CCDC73: variants seen among roughly 807,000 people sequenced by gnomAD.
CCDC73 encodes coiled-coil domain-containing protein 73.
Under a neutral mutation model 116.5 loss-of-function variants are expected in CCDC73, and 95 were observed. The ratio of observed to expected loss-of-function variants is 0.82; its 90% CI spans 0.69 to 0.97. The LOEUF is 0.97. Ranked by LOEUF, CCDC73 falls within the 50% of genes least tolerant of loss-of-function variation. The pLI is 0.00. For missense variants in CCDC73, 1,066 were observed against 1,206.8 expected (o/e 0.88, Z 1.73); for synonymous variants, 398 against 401.3 (o/e 0.99, Z 0.10).
At chr11:32,609,775 A>G (rs1763528301) in intron 17 of CCDC73, among the ~76,000 whole-genome samples, 1 of 151,964 alleles carries the variant, frequency 6.6e-6, no homozygotes, top group African/African-American at 2.4e-5. Flanking sequence ...GTGGAAGGCA[A>G]AGGCAATTTT....
At chr11:32,719,613 T>C (rs1849973543) in intron 2 of CCDC73, among the ~76,000 whole-genome samples, 1 of 152,122 alleles carries the variant, frequency 6.6e-6, no homozygotes, top group African/African-American at 2.4e-5. Context: ...GCCCATTATA[T>C]GGGGGAAAAA....
intron 1 of CCDC73, among the ~76,000 whole-genome samples, chr11:32,784,628 G>A (rs1850611588): frequency 6.6e-6 from 1 of 152,164 alleles, no homozygotes; most frequent in African/African-American, 2.4e-5. Flanking sequence ...AGATATGGAA[G>A]TAAATGTCTA....
chr11:32,640,265 T>C (rs1035178042), intron 13 of CCDC73, among the ~76,000 whole-genome samples: 1 of 152,202 alleles, frequency 6.6e-6, no homozygotes, highest in Non-Finnish European at 1.5e-5. Context: ...AAACCGACTT[T>C]ATCCACATTT....
At chr11:32,707,674 A>C (rs1228403141) in intron 3 of CCDC73, among the ~76,000 whole-genome samples, 1 of 151,026 alleles carries the variant, frequency 6.6e-6, no homozygotes, top group Admixed American at 6.6e-5. Context: ...ATTCCAAAAA[A>C]AGTTTAGAAG....
At chr11:32,815,605 G>C in the CCDC73 span, among the ~76,000 whole-genome samples, 5 of 152,148 alleles carry the variant, frequency 3.3e-5, no homozygotes, top group Non-Finnish European at 7.3e-5. Flanking sequence ...AAAAAGGTTT[G>C]TTACCTCTTT....
chr11:32,746,181 A>T (rs1046179772), intron 2 of CCDC73, among the ~76,000 whole-genome samples: 2 of 152,166 alleles, frequency 1.3e-5, no homozygotes, highest in Non-Finnish European at 2.9e-5. Context: ...TCCTTCACTT[A>T]TGAAGCTCAG....
At chr11:32,780,913 T>C (rs1850577631) in intron 1 of CCDC73, among the ~76,000 whole-genome samples, 2 of 152,288 alleles carry the variant, frequency 1.3e-5, no homozygotes. Context: ...CACTATATTA[T>C]AGTGCCTCTC....
At chr11:32,820,015 T>C in the CCDC73 span, among the ~76,000 whole-genome samples, 1 of 152,200 alleles carries the variant, frequency 6.6e-6, no homozygotes, top group Non-Finnish European at 1.5e-5. Flanking sequence ...AATTTTTCTA[T>C]AATAAATATA....
intron 1 of CCDC73, among the ~76,000 whole-genome samples, chr11:32,777,091 TTTTC>T (rs1475059978): frequency 4.9e-5 from 7 of 144,156 alleles, no homozygotes; most frequent in African/African-American, 1.3e-4. Flanking sequence ...GTAATCTTTT[TTTTC>T]TTTCTTTTTT....
chr11:32,812,439 G>T, the CCDC73 span, among the ~76,000 whole-genome samples: 1 of 152,208 alleles, frequency 6.6e-6, no homozygotes, highest in Non-Finnish European at 1.5e-5. Flanking sequence ...GCCGAGGCGG[G>T]TGGATCACCT....
At chr11:32,793,483 C>A (rs1850694220) in intron 1 of CCDC73, among the ~76,000 whole-genome samples, 1 of 152,216 alleles carries the variant, frequency 6.6e-6, no homozygotes, top group Non-Finnish European at 1.5e-5. Flanking sequence ...TCCGTGGAAT[C>A]TTCACATTTT....
chr11:32,765,406 AAACT>A (rs551981015), intron 1 of CCDC73, among the ~76,000 whole-genome samples: 399 of 152,334 alleles, frequency 2.6e-3, no homozygotes, highest in Non-Finnish European at 2.3e-3. Flanking sequence ...AAATTATAAC[AAACT>A]GTCTCTCAAA....
chr11:32,619,413 G>A (rs1855502624), intron 14 of CCDC73, among the ~76,000 whole-genome samples: 1 of 152,224 alleles, frequency 6.6e-6, no homozygotes, highest in Non-Finnish European at 1.5e-5. Context: ...GCTCATGCCT[G>A]TAATCCCAGT....
chr11:32,758,616 T>C, intron 2 of CCDC73: 1 of 369,440 alleles, frequency 2.7e-6, no homozygotes, highest in South Asian at 2.3e-5. Flanking sequence ...AAAGCTAAAT[T>C]TTAAAATGAA....
intron 7 of CCDC73, chr11:32,682,875 C>T (rs1185512171): frequency 2.0e-5 from 3 of 152,332 alleles, no homozygotes; most frequent in Non-Finnish European, 2.9e-5. Context: ...AGTACCATAT[C>T]CCAAGTGTAC....
chr11:32,611,132 A>C lies in CCDC73; in HGVS notation c.3030T>G (p.His1010Gln), dbSNP rs1375338643. 1.2e-6 allele frequency: 2 copies of C among 1,613,762 alleles called. No individual in the cohort carries two copies. The highest frequency in any genetic ancestry group is 1.7e-6 in the Non-Finnish European group (2 of 1,179,820). Residue 1010 changes from histidine to glutamine, a missense_variant and splice_region_variant, in exon 17 of 18, where the codon CAT (histidine) becomes CAG (glutamine). Transcript: ENST00000335185. ...TFYDSSFPTE[H>Q]VKTKPLISTP... ...TCGGCAATATTTTTAATTGACTTAC[A>C]TGTTCTGTGGGAAAAGAGGAATCAT...
chr11:32,650,652 A>G (rs571433512), intron 12 of CCDC73, among the ~76,000 whole-genome samples: 1 of 152,152 alleles, frequency 6.6e-6, no homozygotes. Flanking sequence ...TGAAGGGATT[A>G]AAAGAAGGGA....
chr11:32,769,460 G>A (rs1353002616), intron 1 of CCDC73, among the ~76,000 whole-genome samples: 1 of 152,152 alleles, frequency 6.6e-6, no homozygotes, highest in Non-Finnish European at 1.5e-5. Context: ...TGGCTGGACT[G>A]GGTTCCAAGA....
At chr11:32,772,969 T>C (rs550546984) in intron 1 of CCDC73, among the ~76,000 whole-genome samples, 3 of 152,138 alleles carry the variant, frequency 2.0e-5, no homozygotes, top group Non-Finnish European at 4.4e-5. Context: ...ACACTACACA[T>C]AAATATTCAT....
Sources: gnomAD v4.1 joint callset for allele counts (sites outside exome capture counted in the v4.1 genomes callset) on GRCh38, gnomAD v4.1.1 for gene constraint, MANE v1.5 for transcripts, NCBI Gene and HGNC (gene_info 2026-07-23, HGNC 2026-07-21) for gene names.